Variants in TMCO6 observed in about 807,000 individuals in gnomAD.
The protein encoded by TMCO6 is transmembrane and coiled-coil domains 6.
In TMCO6, 47 loss-of-function variants were observed where a neutral mutation model predicts 61.8. The observed-to-expected ratio is 0.76, with a 90% CI of 0.60 to 0.97. TMCO6 has a LOEUF of 0.97. Among genes scored for constraint, TMCO6 ranks in the 50% least tolerant of loss-of-function variants. The pLI is 0.00. For synonymous variants in TMCO6, 261 were observed against 254.2 expected (o/e 1.03, Z -0.25); for missense variants, 557 against 601.6 (o/e 0.93, Z 0.78).
At chr5:140,623,872 T>C in the TMCO6 span, among the ~76,000 whole-genome samples, 6 of 152,084 alleles carry the variant, frequency 3.9e-5, no homozygotes, top group African/African-American at 1.4e-4. Context: ...TGAGCCACCT[T>C]GCCCAGCCAT....
chr5:140,623,935 CA>C, the TMCO6 span, among the ~76,000 whole-genome samples: 1 of 152,090 alleles, frequency 6.6e-6, no homozygotes, highest in Non-Finnish European at 1.5e-5. Context: ...GCTCTGTCTT[CA>C]AAAAATGCGC....
upstream of TMCO6, chr5:140,639,169 A>G (rs1418858766): frequency 4.4e-6 from 1 of 225,258 alleles, no homozygotes; most frequent in African/African-American, 2.4e-5. Context: ...TCTAGAGCGT[A>G]TTGTGGGTGG....
the TMCO6 span, among the ~76,000 whole-genome samples, chr5:140,623,974 A>G: frequency 6.6e-6 from 1 of 152,222 alleles, no homozygotes. Flanking sequence ...CCCCACTTCT[A>G]CTATCCTGAT....
the TMCO6 span, chr5:140,632,644 C>T: frequency 1.1e-4 from 180 of 1,613,676 alleles, no homozygotes; most frequent in Non-Finnish European, 1.4e-4. The surrounding 1 kb of genome is among the most constrained non-coding windows in gnomAD (Gnocchi z 6.2). Flanking sequence ...CGGGAGTACG[C>T]TAGCACACGC....
chr5:140,643,609 T>C lies in TMCO6; in HGVS notation c.852T>C (p.Thr284=). 6.2e-7 allele frequency: 1 copy of C among 1,614,126 alleles called. No individual in the cohort carries two copies. Among genetic ancestry groups the C allele is most frequent in the Non-Finnish European group, 8.5e-7 (1 of 1,180,024 alleles). ...TCATTGGCCATGGGGCTCTGTCTAC[T>C]CTGGGGTTGCTGCTGTTGGACTTGG... The part of the protein sequence containing the change: ...PLLIGHGALS[T]LGLLLLDLAG... Residue 284 remains threonine (T), a synonymous_variant, in exon 8 of 12, where the codon ACT becomes ACC. Coordinates refer to ENST00000394671, the MANE Select transcript of TMCO6 (RefSeq NM_018502.5).
the TMCO6 span, among the ~76,000 whole-genome samples, chr5:140,628,661 G>A: frequency 6.6e-6 from 1 of 152,068 alleles, no homozygotes; most frequent in Non-Finnish European, 1.5e-5. Context: ...TGGTCTTGAA[G>A]TCTGGAGACC....
chr5:140,626,059 G>T, the TMCO6 span, among the ~76,000 whole-genome samples: 6 of 152,106 alleles, frequency 3.9e-5, no homozygotes, highest in East Asian at 1.2e-3. Flanking sequence ...TCCTGGCCTG[G>T]GTGAACTTAC....
the TMCO6 span, among the ~76,000 whole-genome samples, chr5:140,607,793 T>TC: frequency 6.7e-6 from 1 of 149,006 alleles, no homozygotes; most frequent in African/African-American, 2.5e-5. Flanking sequence ...TCTATTTTCT[T>TC]TTTTTTTTTT....
At chr5:140,643,527 C>G in intron 7 of TMCO6, 37 bp from the exon 8 acceptor site, 1 of 1,577,906 alleles carries the variant, frequency 6.3e-7, no homozygotes, top group Non-Finnish European at 8.7e-7. Flanking sequence ...GTGGAATTGA[C>G]TATATACCTA....
chr5:140,617,976 GAAA>G, the TMCO6 span, among the ~76,000 whole-genome samples: 796 of 152,230 alleles, frequency 5.2e-3, 6 homozygotes, highest in African/African-American at 0.018. Flanking sequence ...TATTGAACGG[GAAA>G]AACAAAGTTG....
chr5:140,631,853 A>G, the TMCO6 span: 1 of 1,546,458 alleles, frequency 6.5e-7, no homozygotes. Flanking sequence ...TCTGTCTTGG[A>G]TCTTAGGCAA....
the TMCO6 span, among the ~76,000 whole-genome samples, chr5:140,619,514 A>G: frequency 6.6e-6 from 1 of 152,204 alleles, no homozygotes; most frequent in Non-Finnish European, 1.5e-5. Context: ...AGGTGCAATA[A>G]GATAGGGAGG....
chr5:140,612,330 C>T, the TMCO6 span, among the ~76,000 whole-genome samples: 1 of 135,162 alleles, frequency 7.4e-6, no homozygotes, highest in South Asian at 2.4e-4. Context: ...ACAACTTGCC[C>T]AATCTTTTTT....
chr5:140,627,178 A>G, the TMCO6 span, among the ~76,000 whole-genome samples: 1 of 150,182 alleles, frequency 6.7e-6, no homozygotes, highest in Non-Finnish European at 1.5e-5. Context: ...TCAATTGCAT[A>G]TGTTACAATG....
chr5:140,635,158 G>C (rs948369348), upstream of TMCO6, among the ~76,000 whole-genome samples: 1 of 152,200 alleles, frequency 6.6e-6, no homozygotes, highest in Non-Finnish European at 1.5e-5. Context: ...ATCCAAACAA[G>C]AAGGCTCATC....
chr5:140,631,954 T>C, the TMCO6 span: 4 of 1,613,254 alleles, frequency 2.5e-6, no homozygotes, highest in Non-Finnish European at 2.5e-6. Context: ...CCGGAGTTCA[T>C]TGAGCCCTCG....
chr5:140,602,766 T>A, the TMCO6 span, among the ~76,000 whole-genome samples: 2 of 147,478 alleles, frequency 1.4e-5, no homozygotes, highest in Non-Finnish European at 1.5e-5. Flanking sequence ...TCTGTCTCTC[T>A]CACACACACA....
chr5:140,631,617 G>C, the TMCO6 span: 2 of 419,484 alleles, frequency 4.8e-6, no homozygotes, highest in East Asian at 7.0e-5. Context: ...GACAGATAGG[G>C]TTTCTTAGGG....
chr5:140,609,007 C>T, the TMCO6 span: 2 of 152,254 alleles, frequency 1.3e-5, no homozygotes, highest in Non-Finnish European at 2.9e-5. Flanking sequence ...ATAAACTTTA[C>T]AATTAGCTTG....
Sources: gnomAD v4.1 joint callset for allele counts (sites outside exome capture counted in the v4.1 genomes callset) on GRCh38, gnomAD v4.1.1 for gene constraint, Gnocchi (gnomAD v3.1) non-coding constraint, MANE v1.5 for transcripts, NCBI Gene and HGNC (gene_info 2026-07-23, HGNC 2026-07-21) for gene names.